COBL: variants seen among roughly 807,000 people sequenced by gnomAD.
The protein encoded by COBL is protein cordon-bleu.
COBL carries 51 observed loss-of-function variants against 98.8 expected under a neutral mutation model. The observed-to-expected ratio is 0.52, with a 90% CI of 0.41 to 0.65. The LOEUF (loss-of-function observed/expected upper bound fraction) is 0.65, where lower values mean the gene tolerates loss of function less well. COBL is among the 30% of genes least tolerant of loss of function. COBL has a pLI of 0.00. For synonymous variants in COBL, 634 were observed against 651.7 expected (o/e 0.97, Z 0.41); for missense variants, 1,617 against 1,617.5 (o/e 1.00, Z 0.01).
intron 1 of COBL, among the ~76,000 whole-genome samples, chr7:51,236,381 T>TC (rs2129113224): frequency 6.6e-6 from 1 of 152,230 alleles, no homozygotes; most frequent in East Asian, 1.9e-4. Context: ...CATGAAGGCC[T>TC]CACAGAGGAC....
chr7:51,200,970 G>T, intron 2 of COBL, among the ~76,000 whole-genome samples: 1 of 152,126 alleles, frequency 6.6e-6, no homozygotes, highest in East Asian at 1.9e-4. Context: ...GCCCGGCATG[G>T]TGGCTCACAC....
At chr7:51,304,649 A>G (rs2129207973) in intron 1 of COBL, among the ~76,000 whole-genome samples, 1 of 152,362 alleles carries the variant, frequency 6.6e-6, no homozygotes, top group South Asian at 2.1e-4. Flanking sequence ...AGAGTTTCAC[A>G]TCTATTATAT....
rs1258649759 is a variant in COBL, at chr7:51,044,618, T to A, written c.1097-926A>T. Among the ~76,000 whole-genome samples the A allele has an allele frequency of 2.0e-5, 3 of 152,222 alleles. No homozygotes were observed. In the East Asian group the frequency reaches 5.8e-4, roughly 29 times the overall value. ...TCAGGACATATGATCTAAGCACTAT[T>A]TATAACAGTCCAGAAAACAAGCACT... On this transcript the variant is annotated intron_variant, in intron 7 of 12. Coordinates refer to ENST00000265136, the MANE Select transcript of COBL (RefSeq NM_015198.5).
chr7:51,068,568 C>T (rs563011936), intron 7 of COBL, among the ~76,000 whole-genome samples: 1 of 152,256 alleles, frequency 6.6e-6, no homozygotes, highest in African/African-American at 2.4e-5. Context: ...CATATACATA[C>T]ACATACGCAG....
At position 51,219,873 on chromosome 7, in the gene COBL, T is replaced by C. The variant is rs781187149; in HGVS notation, c.113A>G (p.Lys38Arg). ...CCCGAGGGCCCCATCGTGGGGGGGCTTCTGGTCACTGTGCACATGCAGAGT... is the reference window on the plus strand; with the variant it reads ...CCCGAGGGCCCCATCGTGGGGGGGCCTCTGGTCACTGTGCACATGCAGAGT... ...AATLHVHSDQ[K>R]PPHDGALGSQ... Residue 38 changes from lysine (K) to arginine (R), a missense_variant, in exon 2 of 13, where the codon AAG becomes AGG. Coordinates refer to ENST00000265136, the MANE Select transcript of COBL (RefSeq NM_015198.5). The C allele has an allele frequency of 6.2e-7, 1 of 1,613,402 alleles. No individual in the cohort carries two copies. The highest frequency in any genetic ancestry group is 8.5e-7 in the Non-Finnish European group (1 of 1,180,028).
intron 2 of COBL, among the ~76,000 whole-genome samples, chr7:51,207,280 T>C (rs965698597): frequency 2.7e-5 from 4 of 150,932 alleles, no homozygotes; most frequent in African/African-American, 4.9e-5. Flanking sequence ...GAAACTGACA[T>C]AAAAGTACAC....
chr7:51,238,734 C>T (rs1011683487), intron 1 of COBL, among the ~76,000 whole-genome samples: 17 of 152,142 alleles, frequency 1.1e-4, no homozygotes, highest in Non-Finnish European at 2.5e-4. Context: ...ATGCTCCTGG[C>T]CCCTGACCCT....
intron 12 of COBL, among the ~76,000 whole-genome samples, chr7:51,023,900 C>A (rs1213362616): frequency 6.6e-6 from 1 of 152,176 alleles, no homozygotes; most frequent in African/African-American, 2.4e-5. Context: ...CCAAGCCAAG[C>A]GACTCACTCC....
At chr7:51,038,104 G>A (rs910955478) in intron 8 of COBL, among the ~76,000 whole-genome samples, 3 of 152,104 alleles carry the variant, frequency 2.0e-5, no homozygotes, top group Admixed American at 6.5e-5. Flanking sequence ...CACCTGCCTC[G>A]GCCTCTCAAA....
At chr7:51,154,639 T>C (rs377299296) in intron 5 of COBL, among the ~76,000 whole-genome samples, 15 of 152,180 alleles carry the variant, frequency 9.9e-5, no homozygotes, top group African/African-American at 3.6e-4. Context: ...TGGGTATCAT[T>C]AGGGTCTGCG....
rs557801390 is a variant in COBL at position 51,142,866 on chromosome 7, C to T, written c.784-6535G>A. On this transcript the variant is annotated intron_variant, in intron 5 of 12. Coordinates refer to ENST00000265136, the MANE Select transcript of COBL (RefSeq NM_015198.5). The stretch of plus-strand genomic sequence containing the variant: ...CTTGTAAATTAAAAGGAAATGAGCC[C>T]CGGGGTGCTTCAAAGATGGATGACA... Among the ~76,000 whole-genome samples the T allele has an allele frequency of 7.4e-4, 112 of 152,150 alleles. 2 individuals carry two copies. In the South Asian group the frequency reaches 0.023, roughly 31 times the overall value.
At chr7:51,038,290 C>G (rs1788833804) in intron 8 of COBL, among the ~76,000 whole-genome samples, 2 of 152,230 alleles carry the variant, frequency 1.3e-5, no homozygotes, top group African/African-American at 4.8e-5. Flanking sequence ...GGTGCTGCAG[C>G]AGCAGCGAGG....
intron 1 of COBL, among the ~76,000 whole-genome samples, chr7:51,299,171 T>TAC (rs139865540): frequency 0.011 from 1,659 of 148,866 alleles, 17 homozygotes; most frequent in Middle Eastern, 0.021. Context: ...CACACATACA[T>TAC]ACACACACAC....
chr7:51,240,523 T>A (rs1414550061), intron 1 of COBL, among the ~76,000 whole-genome samples: 1 of 150,830 alleles, frequency 6.6e-6, no homozygotes, highest in Non-Finnish European at 1.5e-5. Context: ...GAAATTGCAT[T>A]AAAGAGTACT....
At chr7:51,198,222 A>ATTTGCT (rs1790779132) in intron 2 of COBL, among the ~76,000 whole-genome samples, 1 of 152,148 alleles carries the variant, frequency 6.6e-6, no homozygotes, top group Non-Finnish European at 1.5e-5. Context: ...TTCCTTCAGC[A>ATTTGCT]TTTGCTTATT....
At position 51,016,644 on chromosome 7, in the gene COBL, T is replaced by C. The variant is rs554232155; in HGVS notation, c.*907A>G. Reference sequence around the variant, plus strand: ...TGTGATGCTCTCAGCGCAACTTTGATCTGAACTCTTGACAGGTGGGCATCC... The same window carrying C: ...TGTGATGCTCTCAGCGCAACTTTGACCTGAACTCTTGACAGGTGGGCATCC... On this transcript the variant is annotated 3_prime_UTR_variant, in exon 13 of 13. Transcript: ENST00000265136. 6.8e-6 allele frequency: 2 copies of C among 293,204 alleles called. No individual in the cohort carries two copies. The highest frequency in any genetic ancestry group is 6.3e-6 in the Non-Finnish European group (1 of 159,396). 18.2% of individuals were successfully genotyped at this position (293,204 alleles called of 1,614,324 possible). A position where few individuals can be genotyped will look rare whatever the true frequency, so the allele number is the denominator to read the frequency against.
rs17134128 is a variant in COBL, at chr7:51,028,317, C to T, written c.2779G>A (p.Asp927Asn). 11,295 of 1,614,236 alleles carry T rather than the reference C, an allele frequency of 7.0e-3. 665 individuals are homozygous for T. The African/African-American group carries it at 0.13, about 18-fold the overall frequency. The change falls in exon 10 of 13, where the codon GAT becomes AAT. Residue 927 changes from aspartate to asparagine, a missense_variant. This residue lies in a region of COBL where 1,304 missense variants were observed against 1,282.0 expected (regional missense o/e 1.02). Transcript: ENST00000265136. ...GTGACACAGGGCCACTGGGCACCAT[C>T]CTTCCATCCTTGTGTCTCTGAGTGT... ...SPHSETQGWK[D>N]GAQWPCVTPP...
At position 51,280,029 on chromosome 7, in the gene COBL, A is replaced by T. The variant is rs1486682720; in HGVS notation, c.41+36564T>A. ...TTATAAGAAAAATCATTTAGATGGA[A>T]TAACACATTGTGCCCTCTCTCCTCC... On this transcript the variant is annotated intron_variant, in intron 1 of 12. Transcript: ENST00000265136. Among the ~76,000 whole-genome samples, 6 of 152,350 alleles carry T rather than the reference A, an allele frequency of 3.9e-5. 1 individual carries two copies. The East Asian group carries it at 1.2e-3, about 29-fold the overall frequency.
intron 2 of COBL, among the ~76,000 whole-genome samples, chr7:51,209,364 G>A (rs1792181528): frequency 6.6e-6 from 1 of 152,198 alleles, no homozygotes; most frequent in South Asian, 2.1e-4. Context: ...GAAGATACTA[G>A]ACACCCCTGG....
Sources: allele counts gnomAD v4.1 joint callset (sites outside exome capture counted in the v4.1 genomes callset), GRCh38; gene constraint gnomAD v4.1.1; regional missense constraint gnomAD v4.1.1; transcripts MANE v1.5; gene names NCBI Gene and HGNC (gene_info 2026-07-23, HGNC 2026-07-21).